The following RORA variants were observed in gnomAD, a reference collection of about 807,000 sequenced individuals.
RORA encodes the protein nuclear receptor ROR-alpha.
A neutral mutation model predicts 69.5 loss-of-function variants in RORA; 7 were observed. The observed-to-expected ratio is 0.10, with a 90% CI of 0.06 to 0.19. The LOEUF (loss-of-function observed/expected upper bound fraction) is 0.19. Ranked by LOEUF, RORA falls within the 10% of genes least tolerant of loss-of-function variation. The pLI, the probability that RORA is intolerant of heterozygous loss-of-function variation, is 1.00. For synonymous variants in RORA, 261 were observed against 240.8 expected (o/e 1.08, Z -0.78); for missense variants, 457 against 663.0 (o/e 0.69, Z 3.41).
chr15:60,737,437 G>A (rs748035695), intron 1 of RORA, among the ~76,000 whole-genome samples: 3 of 152,174 alleles, frequency 2.0e-5, no homozygotes, highest in Non-Finnish European at 4.4e-5. Context: ...TTCTCAGGGT[G>A]TGGCCTCTGG....
At chr15:60,614,517 G>A (rs1019748505) in intron 2 of RORA, among the ~76,000 whole-genome samples, 11 of 152,152 alleles carry the variant, frequency 7.2e-5, no homozygotes, top group Non-Finnish European at 1.6e-4. Flanking sequence ...TTCATAGGGC[G>A]CATTGATGAG....
At chr15:60,585,095 TC>T (rs1218037527) in intron 2 of RORA, among the ~76,000 whole-genome samples, 7 of 152,328 alleles carry the variant, frequency 4.6e-5, no homozygotes, top group African/African-American at 1.7e-4. Context: ...AGCTTTGACT[TC>T]TTCAGCAATG....
chr15:60,542,262 G>A (rs868776481), intron 2 of RORA, among the ~76,000 whole-genome samples: 3 of 152,136 alleles, frequency 2.0e-5, no homozygotes, highest in Admixed American at 2.0e-4. Flanking sequence ...CCAGAGCTCA[G>A]AATAGCAGGT....
chr15:61,202,464 G>T (rs904722027), intron 1 of RORA, among the ~76,000 whole-genome samples: 3 of 152,106 alleles, frequency 2.0e-5, no homozygotes, highest in Admixed American at 6.5e-5. Context: ...GAACACAGAG[G>T]CTAGAATCAA....
chr15:61,216,345 A>G (rs537989358), intron 1 of RORA, among the ~76,000 whole-genome samples: 122 of 152,340 alleles, frequency 8.0e-4, no homozygotes, highest in African/African-American at 2.9e-3. Context: ...AATTTCAAAC[A>G]GGTTGCGAGT....
chr15:60,740,037 T>C (rs184233125), intron 1 of RORA, among the ~76,000 whole-genome samples: 1 of 152,272 alleles, frequency 6.6e-6, no homozygotes, highest in Non-Finnish European at 1.5e-5. Context: ...TCTCCTCACC[T>C]GACTCCTCTC....
chr15:61,054,819 GTTTTTTGT>G (rs1240101897), intron 1 of RORA, among the ~76,000 whole-genome samples: 1 of 136,818 alleles, frequency 7.3e-6, no homozygotes, highest in Non-Finnish European at 1.6e-5. Context: ...TTTGTTTTTT[GTTTTTTGT>G]TTTTTTTTTT....
chr15:60,964,679 G>A (rs1227295260), intron 1 of RORA, among the ~76,000 whole-genome samples: 1 of 152,210 alleles, frequency 6.6e-6, no homozygotes, highest in Non-Finnish European at 1.5e-5. Flanking sequence ...TGCTGGCACA[G>A]CACACTGTGG....
At chr15:60,743,373 A>T (rs1466489495) in intron 1 of RORA, among the ~76,000 whole-genome samples, 4 of 152,340 alleles carry the variant, frequency 2.6e-5, no homozygotes, top group South Asian at 2.1e-4. Context: ...AATTAAACTT[A>T]GGCTAATTTC....
At chr15:60,762,730 T>G (rs1016667006) in intron 1 of RORA, among the ~76,000 whole-genome samples, 2 of 152,244 alleles carry the variant, frequency 1.3e-5, no homozygotes, top group Non-Finnish European at 2.9e-5. Flanking sequence ...CAATATCATC[T>G]AACCGCTACC....
intron 1 of RORA, among the ~76,000 whole-genome samples, chr15:60,732,888 A>T (rs1039854814): frequency 2.0e-5 from 3 of 152,104 alleles, no homozygotes; most frequent in Non-Finnish European, 4.4e-5. Flanking sequence ...AGAGATGCAG[A>T]TTCAAATATT....
chr15:61,092,799 T>C (rs2078727310), intron 1 of RORA, among the ~76,000 whole-genome samples: 1 of 152,160 alleles, frequency 6.6e-6, no homozygotes, highest in Admixed American at 6.5e-5. Flanking sequence ...CTAACCACAG[T>C]CAAAACCTTG....
At position 61,044,420 on chromosome 15, in the gene RORA, T is replaced by A. The variant is rs534067387; in HGVS notation, c.166+184633A>T. Among the ~76,000 whole-genome samples, 3 of 152,340 alleles carry A rather than the reference T, an allele frequency of 2.0e-5. No homozygotes were observed. In the South Asian group the frequency reaches 6.2e-4, roughly 32 times the overall value. ...TCTGGACCTGTGCTAATACAGTGGCTACCAGCCACCTGTGGCCACCGAGCA... is the reference window on the plus strand; with the variant it reads ...TCTGGACCTGTGCTAATACAGTGGCAACCAGCCACCTGTGGCCACCGAGCA... On this transcript the variant is annotated intron_variant, in intron 1 of 10. Coordinates refer to ENST00000335670, the MANE Select transcript of RORA (RefSeq NM_134261.3).
chr15:60,970,188 C>T (rs559020860), intron 1 of RORA, among the ~76,000 whole-genome samples: 26 of 152,276 alleles, frequency 1.7e-4, no homozygotes, highest in African/African-American at 6.0e-4. Flanking sequence ...GTTGTTTAAG[C>T]CACTCAGTCT....
intron 1 of RORA, among the ~76,000 whole-genome samples, chr15:61,217,856 TAAAG>T (rs2080054804): frequency 6.6e-6 from 1 of 152,216 alleles, no homozygotes; most frequent in Non-Finnish European, 1.5e-5. Flanking sequence ...AAAAGTGGCA[TAAAG>T]ATACTGTATG....
At chr15:60,567,190 T>TA (rs796418607) in intron 2 of RORA, among the ~76,000 whole-genome samples, 1,904 of 139,136 alleles carry the variant, frequency 0.014, 19 homozygotes, top group African/African-American at 0.033. Flanking sequence ...TAGATTCTCT[T>TA]AAAAAAAAAA....
At chr15:60,730,523 C>A (rs2071415937) in intron 1 of RORA, among the ~76,000 whole-genome samples, 1 of 152,206 alleles carries the variant, frequency 6.6e-6, no homozygotes, top group Non-Finnish European at 1.5e-5. Context: ...AGGAGCTTTT[C>A]ACTTCCCCTG....
chr15:61,133,144 C>T (rs1221967682), intron 1 of RORA, among the ~76,000 whole-genome samples: 1 of 143,208 alleles, frequency 7.0e-6, no homozygotes, highest in Admixed American at 6.9e-5. Context: ...ATCCCCCCAC[C>T]AAAAAAAAAA....
chr15:60,816,829 AT>A (rs894557345), intron 1 of RORA, among the ~76,000 whole-genome samples: 5 of 152,084 alleles, frequency 3.3e-5, no homozygotes, highest in Non-Finnish European at 7.4e-5. Context: ...CTATATGTTT[AT>A]AATTGTTATG....
Sources: gnomAD v4.1 joint callset for allele counts (sites outside exome capture counted in the v4.1 genomes callset) on GRCh38, gnomAD v4.1.1 for gene constraint, MANE v1.5 for transcripts, NCBI Gene and HGNC (gene_info 2026-07-23, HGNC 2026-07-21) for gene names.